The following TSG101 variants were observed in gnomAD, a reference collection of about 807,000 sequenced individuals.
TSG101 encodes tumor susceptibility gene 101 protein.
TSG101 carries 19 observed loss-of-function variants against 48.5 expected under a neutral mutation model. The observed-to-expected ratio is 0.39, with a 90% CI of 0.27 to 0.58. The LOEUF (loss-of-function observed/expected upper bound fraction) is 0.58. TSG101 is among the 20% of genes least tolerant of loss of function. The probability of loss-of-function intolerance (pLI) is 0.55; values close to 1 mark genes in which losing one functional copy is unlikely to be tolerated. For missense variants in TSG101, 365 were observed against 484.4 expected (o/e 0.75, Z 2.31); for synonymous variants, 174 against 169.4 (o/e 1.03, Z -0.21).
At chr11:18,484,713 A>AT (rs1436174269) in intron 7 of TSG101, among the ~76,000 whole-genome samples, 2 of 152,192 alleles carry the variant, frequency 1.3e-5, no homozygotes, top group African/African-American at 4.8e-5. Context: ...TCAGTATATT[A>AT]TATCATTTCC....
chr11:18,509,526 T>A lies in TSG101; in HGVS notation c.481+16A>T. 6.2e-7 allele frequency: 1 copy of A among 1,607,298 alleles called. No individual in the cohort carries two copies. Among genetic ancestry groups the A allele is most frequent in the Non-Finnish European group, 8.5e-7 (1 of 1,177,874 alleles). On this transcript the variant is annotated intron_variant, in intron 5 of 9. Coordinates refer to ENST00000251968, the MANE Select transcript of TSG101 (RefSeq NM_006292.4). The stretch of plus-strand genomic sequence containing the variant: ...TGTTTATATGAGTTTTAAAGTAAAA[T>A]CTCAATTCTACTTACTATTTGGTGG...
At position 18,526,762 on chromosome 11, in the gene TSG101, G is replaced by A. The variant is rs748035043; in HGVS notation, c.42+13C>T. On this transcript the variant is annotated intron_variant, in intron 1 of 9. Coordinates refer to ENST00000251968, the MANE Select transcript of TSG101 (RefSeq NM_006292.4). ...TGGGCGCGCCCTGGGAGGCGAGCGC[G>A]TCGCAGCCTCACCTTGGACACCATT... 4 of 1,600,300 alleles carry A rather than the reference G, an allele frequency of 2.5e-6. No individual in the cohort carries two copies. Among genetic ancestry groups the A allele is most frequent in the Non-Finnish European group, 3.4e-6 (4 of 1,179,190 alleles).
Position 18,484,033 on chromosome 11 carries a change from C to T in TSG101, c.680G>A (p.Arg227Gln), listed in dbSNP as rs771430984. The change falls in exon 8 of 10, where the codon CGA becomes CAA. Residue 227 changes from arginine to glutamine, a missense_variant. By Grantham distance (43) the Arg-to-Gln change is conservative (BLOSUM62 1). Coordinates refer to ENST00000251968, the MANE Select transcript of TSG101 (RefSeq NM_006292.4). ...RDGTISEDTIRASLISAVSDK... is the reference protein window; with the variant it reads ...RDGTISEDTIQASLISAVSDK... ...ACTGACCGCAGAGATGAGAGAGGCT[C>T]GGATGGTGTCCTCGCTGATTGTGCC... 1.2e-6 allele frequency: 2 copies of T among 1,614,176 alleles called. No individual in the cohort carries two copies. The highest frequency in any genetic ancestry group is 1.1e-5 in the South Asian group (1 of 91,086).
intron 6 of TSG101, among the ~76,000 whole-genome samples, chr11:18,503,870 C>T (rs746281892): frequency 3.0e-4 from 45 of 152,010 alleles, no homozygotes; most frequent in South Asian, 6.2e-4. Flanking sequence ...AATTCTATGA[C>T]ATTTGCCTTT....
At chr11:18,526,674 G>A (rs2133938225) in intron 1 of TSG101, 101 bp downstream of exon 1, 1 of 1,422,562 alleles carries the variant, frequency 7.0e-7, no homozygotes, top group African/African-American at 1.4e-5. Context: ...GGGGCTTCCG[G>A]CCCGTCTGGG....
Position 18,519,608 on chromosome 11 carries a change from A to G in TSG101, c.43-5T>C. 1 of 1,599,170 alleles carries G rather than the reference A, an allele frequency of 6.3e-7. No homozygotes were observed. Among genetic ancestry groups the G allele is most frequent in the Non-Finnish European group, 8.5e-7 (1 of 1,172,858 alleles). ...AGTTAGGTCTCTGTATTTGTACTGAAAAGCAAAATCGCATAAGAATTTAGT... is the reference window on the plus strand; with the variant it reads ...AGTTAGGTCTCTGTATTTGTACTGAGAAGCAAAATCGCATAAGAATTTAGT... On this transcript the variant is annotated splice_polypyrimidine_tract_variant and splice_region_variant and intron_variant, in intron 1 of 9. Transcript: ENST00000251968.
At chr11:18,493,505 T>C (rs1849727549) in intron 7 of TSG101, among the ~76,000 whole-genome samples, 1 of 152,152 alleles carries the variant, frequency 6.6e-6, no homozygotes, top group African/African-American at 2.4e-5. Context: ...TCAACGATAA[T>C]TTTTCTGACC....
In TSG101 at chr11:18,497,824, A is replaced by G. The variant is rs151086393; in HGVS notation, c.640+4662T>C. ...TATTGTAGTTACATTAATGACAAATACATTTTAATAAATCAAAACCACACC... is the reference window on the plus strand; with the variant it reads ...TATTGTAGTTACATTAATGACAAATGCATTTTAATAAATCAAAACCACACC... On this transcript the variant is annotated intron_variant, in intron 7 of 9. Transcript: ENST00000251968. 1.4e-3 allele frequency among the ~76,000 whole-genome samples: 213 copies of G among 152,346 alleles called. 1 individual carries two copies. Among genetic ancestry groups the G allele is most frequent in the African/African-American group, 4.7e-3 (194 of 41,576 alleles).
intron 5 of TSG101, among the ~76,000 whole-genome samples, chr11:18,509,074 A>T (rs1590283083): frequency 6.6e-6 from 1 of 152,332 alleles, no homozygotes; most frequent in Non-Finnish European, 1.5e-5. Context: ...TGGCTGTACG[A>T]AAGAGAAGAA....
chr11:18,526,723 G>A (rs370013076), intron 1 of TSG101, 52 bp downstream of exon 1: 13 of 1,581,020 alleles, frequency 8.2e-6, no homozygotes, highest in Middle Eastern at 1.7e-4. Context: ...TCGACAGGGC[G>A]CGGAAGGGAG....
chr11:18,520,370 T>A (rs1332569530), intron 1 of TSG101, among the ~76,000 whole-genome samples: 1 of 152,126 alleles, frequency 6.6e-6, no homozygotes, highest in Admixed American at 6.6e-5. Flanking sequence ...ACTACAGGCA[T>A]GTGCCATCAT....
In TSG101 at chr11:18,516,657, ATCGG is replaced by A. The variant is rs560946458; in HGVS notation, c.128-497_128-494del. 7.8e-3 allele frequency among the ~76,000 whole-genome samples: 1,179 copies of A among 151,798 alleles called. 12 individuals are homozygous for A. Among genetic ancestry groups the A allele is most frequent in the Middle Eastern group, 0.014 (4 of 294 alleles). On this transcript the variant is annotated intron_variant, in intron 2 of 9. Coordinates refer to ENST00000251968, the MANE Select transcript of TSG101 (RefSeq NM_006292.4). ...CTTTTAAAACTATTTAAAAATCACC[ATCGG>A]CCAGGCGCGGTGGTTCGCGCCTGTA...
chr11:18,514,915 G>A, intron 3 of TSG101, 74 bp from the exon 4 acceptor site: 1 of 1,354,774 alleles, frequency 7.4e-7, no homozygotes, highest in East Asian at 2.6e-5. Context: ...AAGGAACAGA[G>A]GTTTAGTCTA....
intron 1 of TSG101, among the ~76,000 whole-genome samples, chr11:18,524,937 G>A (rs1220482950): frequency 6.9e-6 from 1 of 144,376 alleles, no homozygotes; most frequent in African/African-American, 2.6e-5. Context: ...TTGAGATGGA[G>A]TCTTGCTCAG....
chr11:18,501,986 T>C (rs542967561), intron 7 of TSG101, among the ~76,000 whole-genome samples: 5 of 152,292 alleles, frequency 3.3e-5, no homozygotes, highest in South Asian at 2.1e-4. Flanking sequence ...TAGTGGGAGA[T>C]AGGCATAGGT....
intron 2 of TSG101, 112 bp downstream of exon 2, chr11:18,519,407 T>G: frequency 2.5e-6 from 2 of 802,844 alleles, no homozygotes; most frequent in Non-Finnish European, 4.1e-6. Context: ...TAGGCGGTGG[T>G]GCAATCCCAC....
At chr11:18,513,299 T>G (rs532730954) in intron 4 of TSG101, among the ~76,000 whole-genome samples, 3 of 151,958 alleles carry the variant, frequency 2.0e-5, no homozygotes, top group South Asian at 4.2e-4. Context: ...TATCTCATCT[T>G]TTCTTTTCTT....
intron 2 of TSG101, among the ~76,000 whole-genome samples, chr11:18,518,881 C>A (rs1382075743): frequency 1.3e-5 from 2 of 152,196 alleles, no homozygotes; most frequent in Non-Finnish European, 2.9e-5. Context: ...CTATAGAATT[C>A]TGCCTCTACC....
chr11:18,516,379 C>T (rs1306670866), intron 2 of TSG101, among the ~76,000 whole-genome samples: 1 of 151,788 alleles, frequency 6.6e-6, no homozygotes, highest in East Asian at 2.0e-4. Context: ...GAGTCTCATC[C>T]TGTTGCCCAG....
Sources: allele counts gnomAD v4.1 joint callset (sites outside exome capture counted in the v4.1 genomes callset), GRCh38; gene constraint gnomAD v4.1.1; transcripts MANE v1.5; gene names NCBI Gene and HGNC (gene_info 2026-07-23, HGNC 2026-07-21).